TRAPPC2: variants seen among roughly 807,000 people sequenced by gnomAD.
The protein encoded by TRAPPC2 is sedlin.
In TRAPPC2, 4 loss-of-function variants were observed where a neutral mutation model predicts 10.0. That is an observed-to-expected ratio of 0.40 (90% CI 0.20 to 0.92). The LOEUF (loss-of-function observed/expected upper bound fraction) is 0.92, where lower values mean the gene tolerates loss of function less well. TRAPPC2 is among the 40% of genes least tolerant of loss of function. The pLI is 0.35. For missense variants in TRAPPC2, 52 were observed against 108.7 expected (o/e 0.48, Z 2.32); for synonymous variants, 36 against 37.3 (o/e 0.97, Z 0.12).
In TRAPPC2 at chrX:13,724,246, G is replaced by A. The variant is rs1023703193; in HGVS notation, c.-19-4264C>T. ...AGAAATAAACTTGGTGATACAAAGA[G>A]CTCTCTGACTACCTTAAATTTAAAG... On this transcript the variant is annotated intron_variant, in intron 2 of 5. Coordinates refer to ENST00000380579, the MANE Select transcript of TRAPPC2 (RefSeq NM_001011658.4). Among the ~76,000 whole-genome samples the A allele has an allele frequency of 1.4e-4, 16 of 110,425 alleles. No individual in the cohort carries two copies. In the East Asian group the frequency reaches 4.5e-3, roughly 31 times the overall value.
intron 5 of TRAPPC2, 102 bp downstream of exon 5, chrX:13,715,902 A>G: frequency 9.4e-7 from 1 of 1,066,388 alleles, no homozygotes; most frequent in East Asian, 3.6e-5. Flanking sequence ...GCTAGTCTGA[A>G]AGGTAAACTG....
At chrX:13,728,834 T>C (rs1345163158) in intron 2 of TRAPPC2, among the ~76,000 whole-genome samples, 3 of 112,036 alleles carry the variant, frequency 2.7e-5, no homozygotes, top group Non-Finnish European at 1.9e-5. Context: ...GATGACATGA[T>C]TGTAAATTTA....
rs1208066491 is a variant in TRAPPC2, at chrX:13,712,572, C to T, written c.*1835G>A. ...ATTGCCTTACAATTTTTTACAAGTA[C>T]GAGTATCAACAGTTTACTGTCTGAG... On this transcript the variant is annotated 3_prime_UTR_variant, in exon 6 of 6. Coordinates refer to ENST00000380579, the MANE Select transcript of TRAPPC2 (RefSeq NM_001011658.4). 1 of 111,953 alleles carries T rather than the reference C, an allele frequency of 8.9e-6. No individual in the cohort carries two copies. Among genetic ancestry groups the T allele is most frequent in the Admixed American group, 9.5e-5 (1 of 10,581 alleles). The allele number at this position is 111,953 out of a possible 1,213,427, so 9.2% of individuals were successfully genotyped here. A position where few individuals can be genotyped will look rare whatever the true frequency, so the allele number is the denominator to read the frequency against.
intron 5 of TRAPPC2, 172 bp downstream of exon 5, chrX:13,715,832 A>G: frequency 1.0e-6 from 1 of 977,346 alleles, no homozygotes; most frequent in Non-Finnish European, 1.3e-6. Context: ...ATACATATTC[A>G]CCTGGCTGTG....
chrX:13,728,324 C>T lies in TRAPPC2; in HGVS notation c.-20+5720G>A, dbSNP rs141573969. 7.0e-3 allele frequency among the ~76,000 whole-genome samples: 787 copies of T among 111,756 alleles called. 4 individuals carry two copies. Among genetic ancestry groups the T allele is most frequent in the African/African-American group, 0.023 (709 of 30,735 alleles). ...AAAGAGAATTTTAGACCAATATCCC[C>T]GATGAACATTGATGCGAAAATCCTC... On this transcript the variant is annotated intron_variant, in intron 2 of 5. Coordinates refer to ENST00000380579, the MANE Select transcript of TRAPPC2 (RefSeq NM_001011658.4).
intron 2 of TRAPPC2, among the ~76,000 whole-genome samples, chrX:13,725,350 G>A (rs1026960582): frequency 5.3e-5 from 6 of 112,345 alleles, no homozygotes; most frequent in Non-Finnish European, 7.5e-5. Flanking sequence ...CCCAGTAGGG[G>A]CCGACAGACA....
intron 2 of TRAPPC2, among the ~76,000 whole-genome samples, chrX:13,728,010 T>G (rs1453225203): frequency 8.9e-6 from 1 of 111,935 alleles, no homozygotes; most frequent in Non-Finnish European, 1.9e-5. Flanking sequence ...AAGAAATGGA[T>G]AAATTCCTGG....
In TRAPPC2 at chrX:13,734,053, A is replaced by G. The variant is rs1212061530; in HGVS notation, c.-29T>C. 1.9e-6 allele frequency: 1 copy of G among 513,009 alleles called. No homozygotes were observed. The highest frequency in any genetic ancestry group is 3.5e-6 in the Non-Finnish European group (1 of 286,542). 42.3% of individuals were successfully genotyped at this position (513,009 alleles called of 1,213,427 possible). A position where few individuals can be genotyped will look rare whatever the true frequency, so the allele number is the denominator to read the frequency against. On this transcript the variant is annotated 5_prime_UTR_variant, in exon 2 of 6. Transcript: ENST00000380579. ...ATGAGGACTGGCTCACCTTTACCTCACAGCACACAATGGTTGGTACTCTAA... is the reference window on the plus strand; with the variant it reads ...ATGAGGACTGGCTCACCTTTACCTCGCAGCACACAATGGTTGGTACTCTAA...
intron 2 of TRAPPC2, among the ~76,000 whole-genome samples, chrX:13,733,143 AT>A (rs76965829): frequency 0.033 from 3,504 of 105,641 alleles, 82 homozygotes; most frequent in East Asian, 0.18. Flanking sequence ...CTTCAGGAAC[AT>A]TTTTTTTTTT....
chrX:13,716,378 C>T (rs2046285931), intron 4 of TRAPPC2, 156 bp downstream of exon 4: 18 of 682,420 alleles, frequency 2.6e-5, no homozygotes, highest in Non-Finnish European at 3.9e-5. Flanking sequence ...ATGTTTTTCC[C>T]CCCTAAAAAA....
In TRAPPC2 at chrX:13,716,627, C is replaced by T. The variant is rs373174056; in HGVS notation, c.145G>A (p.Val49Ile). 8.3e-7 allele frequency: 1 copy of T among 1,211,510 alleles called. No homozygotes were observed. The highest frequency in any genetic ancestry group is 1.1e-6 in the Non-Finnish European group (1 of 895,246). Residue 49 changes from valine to isoleucine, a missense_variant, in exon 4 of 6, where the codon GTA (valine) becomes ATA (isoleucine). Coordinates refer to ENST00000380579, the MANE Select transcript of TRAPPC2 (RefSeq NM_001011658.4). ...QFIAHAALDL[V>I]DENMWLSNNM... ...TTCGATAGCCACATGTTCTCATCTA[C>T]GAGGTCGAGAGCAGCATGAGCTATG...
chrX:13,724,280 TG>T (rs2046492167), intron 2 of TRAPPC2, among the ~76,000 whole-genome samples: 1 of 108,341 alleles, frequency 9.2e-6, no homozygotes, highest in Non-Finnish European at 1.9e-5. Context: ...AGAGGCCACA[TG>T]GAAGATGTAA....
intron 2 of TRAPPC2, among the ~76,000 whole-genome samples, chrX:13,733,351 G>C (rs751141451): frequency 2.7e-5 from 3 of 111,387 alleles, no homozygotes; most frequent in Non-Finnish European, 5.7e-5. Flanking sequence ...GCGTTGACTC[G>C]TTTACTTATT....
intron 2 of TRAPPC2, among the ~76,000 whole-genome samples, chrX:13,722,882 T>C (rs2046453851): frequency 9.0e-6 from 1 of 110,741 alleles, no homozygotes; most frequent in Non-Finnish European, 1.9e-5. Context: ...GCTAACATGG[T>C]GAAACCCCAT....
chrX:13,715,265 G>A (rs144038864), intron 5 of TRAPPC2, among the ~76,000 whole-genome samples: 1,225 of 112,939 alleles, frequency 0.011, 22 homozygotes, highest in African/African-American at 0.037. Context: ...TTGAGGTCAG[G>A]AGTTTGAGAC....
rs2046254101 is a variant in TRAPPC2 at position 13,714,146 on chromosome X, A to G, written c.*261T>C. On this transcript the variant is annotated 3_prime_UTR_variant, in exon 6 of 6. Transcript: ENST00000380579. ...AACAGAGTGAGACTCTGTATCAGAA[A>G]AAAAAAAAAAAAAAAAACATGATTA... 2 of 154,835 alleles carry G rather than the reference A, an allele frequency of 1.3e-5. No individual in the cohort carries two copies. The highest frequency in any genetic ancestry group is 3.1e-5 in the African/African-American group (1 of 31,980). 12.8% of individuals were successfully genotyped at this position (154,835 alleles called of 1,213,427 possible). A position where few individuals can be genotyped will look rare whatever the true frequency, so the allele number is the denominator to read the frequency against.
At chrX:13,719,315 C>T (rs531962761) in intron 3 of TRAPPC2, among the ~76,000 whole-genome samples, 11 of 110,453 alleles carry the variant, frequency 1.0e-4, no homozygotes, top group Middle Eastern at 9.3e-3. Flanking sequence ...GTTTTTGGAA[C>T]CATTCTTGAC....
At chrX:13,729,447 C>A (rs1165690309) in intron 2 of TRAPPC2, among the ~76,000 whole-genome samples, 5 of 105,647 alleles carry the variant, frequency 4.7e-5, no homozygotes, top group Non-Finnish European at 4.0e-5. Flanking sequence ...TAACACCACA[C>A]ATCTACAACC....
At chrX:13,725,756 C>T (rs1027228672) in intron 2 of TRAPPC2, among the ~76,000 whole-genome samples, 2 of 112,290 alleles carry the variant, frequency 1.8e-5, no homozygotes, top group Non-Finnish European at 3.8e-5. Context: ...CGGAGAATGA[C>T]TTTGATGAGT....
Sources: allele counts gnomAD v4.1 joint callset (sites outside exome capture counted in the v4.1 genomes callset), GRCh38; gene constraint gnomAD v4.1.1; transcripts MANE v1.5; gene names NCBI Gene and HGNC (gene_info 2026-07-23, HGNC 2026-07-21).